Variants in SPAG1 observed in about 807,000 individuals in gnomAD.
SPAG1 encodes the protein sperm-associated antigen 1.
In SPAG1, 69 loss-of-function variants were observed where a neutral mutation model predicts 100.5. The observed-to-expected ratio is 0.69, with a 90% CI of 0.57 to 0.84. SPAG1 has a LOEUF of 0.84. Among genes scored for constraint, SPAG1 ranks in the 40% least tolerant of loss-of-function variants. SPAG1 has a pLI of 0.00. For missense variants in SPAG1, 955 were observed against 1,133.1 expected (o/e 0.84, Z 2.26); for synonymous variants, 336 against 411.6 (o/e 0.82, Z 2.22).
intron 10 of SPAG1, among the ~76,000 whole-genome samples, chr8:100,199,342 A>C (rs1817166564): frequency 6.6e-6 from 1 of 152,152 alleles, no homozygotes; most frequent in African/African-American, 2.4e-5. Flanking sequence ...TACGGTTTTA[A>C]TTTGCATTTT....
rs1308240117 is a variant in SPAG1 at position 100,213,124 on chromosome 8, C to T, written c.1131C>T (p.Ala377=). 1.5e-5 allele frequency: 23 copies of T among 1,484,768 alleles called. No homozygotes were observed. The highest frequency in any genetic ancestry group is 2.5e-5 in the South Asian group (2 of 79,648). 92.0% of individuals were successfully genotyped at this position (1,484,768 alleles called of 1,614,324 possible). A position where few individuals can be genotyped will look rare whatever the true frequency, so the allele number is the denominator to read the frequency against. The change falls in exon 11 of 19, where the codon GCC becomes GCT. Residue 377 remains alanine, a synonymous_variant. Transcript: ENST00000388798. ...AGCCGGCGGGAGCCGCGCGCGCCGC[C>T]CAGCCGTGCGTCATGGGCAACATCC... ...PAEPAGAARA[A]QPCVMGNIQK...
intron 10 of SPAG1, among the ~76,000 whole-genome samples, chr8:100,210,621 T>G (rs1398404791): frequency 6.6e-6 from 1 of 152,196 alleles, no homozygotes; most frequent in African/African-American, 2.4e-5. Context: ...CTCTTCATCC[T>G]TTAAGTGTTA....
chr8:100,191,332 G>C, intron 8 of SPAG1, 58 bp from the exon 9 acceptor site: 1 of 1,215,658 alleles, frequency 8.2e-7, no homozygotes, highest in Non-Finnish European at 1.2e-6. Flanking sequence ...TGCCAAATAT[G>C]TTGTAACCAT....
intron 3 of SPAG1, among the ~76,000 whole-genome samples, chr8:100,175,093 C>G (rs1416971622): frequency 6.6e-5 from 10 of 151,776 alleles, no homozygotes; most frequent in Admixed American, 6.6e-4. Context: ...TCAAGCGATC[C>G]TCCTGCCTCA....
Position 100,241,047 on chromosome 8 carries a change from C to A in SPAG1, c.*25C>A. 6.2e-7 allele frequency: 1 copy of A among 1,605,540 alleles called. No homozygotes were observed. On this transcript the variant is annotated 3_prime_UTR_variant, in exon 19 of 19. Coordinates refer to ENST00000388798, the MANE Select transcript of SPAG1 (RefSeq NM_003114.5). The surrounding 1 kb of genome is among the most constrained non-coding windows in gnomAD (Gnocchi z 5.1). The stretch of plus-strand genomic sequence containing the variant: ...AATCAAGATAATTGTTAGATTTCTT[C>A]CATGCATGTATGTGTTCCAGGAATG...
intron 8 of SPAG1, among the ~76,000 whole-genome samples, chr8:100,190,497 G>T (rs905351157): frequency 6.7e-6 from 1 of 149,234 alleles, no homozygotes; most frequent in African/African-American, 2.4e-5. Context: ...AATCAAATGC[G>T]AATTATCAAA....
chr8:100,193,245 A>C (rs539759279), intron 9 of SPAG1, among the ~76,000 whole-genome samples: 8 of 152,182 alleles, frequency 5.3e-5, no homozygotes, highest in Non-Finnish European at 1.2e-4. Context: ...AGATCACTTG[A>C]TCCCAGGAGT....
chr8:100,193,631 T>C (rs1816904651), intron 9 of SPAG1, among the ~76,000 whole-genome samples: 1 of 152,154 alleles, frequency 6.6e-6, no homozygotes, highest in Non-Finnish European at 1.5e-5. Flanking sequence ...AAAACAGTAA[T>C]GTGGGCTGGG....
At chr8:100,182,417 G>C (rs1394951659) in intron 4 of SPAG1, among the ~76,000 whole-genome samples, 1 of 152,184 alleles carries the variant, frequency 6.6e-6, no homozygotes, top group Non-Finnish European at 1.5e-5. Flanking sequence ...TTTTCCTCTG[G>C]TGGAGAGAGC....
intron 8 of SPAG1, among the ~76,000 whole-genome samples, chr8:100,187,945 T>G (rs1816656748): frequency 6.6e-6 from 1 of 151,834 alleles, no homozygotes. Context: ...CTCTGCCTCC[T>G]GGATTCAAGT....
At chr8:100,159,744 A>G (rs1276048072) in intron 1 of SPAG1, among the ~76,000 whole-genome samples, 1 of 152,202 alleles carries the variant, frequency 6.6e-6, no homozygotes, top group Admixed American at 6.5e-5. Context: ...ATTCCATCTC[A>G]TTATAAAACA....
At chr8:100,217,456 A>G (rs1818050200) in intron 12 of SPAG1, among the ~76,000 whole-genome samples, 2 of 151,860 alleles carry the variant, frequency 1.3e-5, no homozygotes, top group Admixed American at 6.6e-5. Context: ...TGGAGTGCAG[A>G]GTTGGGGTTG....
chr8:100,224,951 TTTTTG>T, intron 13 of SPAG1, among the ~76,000 whole-genome samples: 1 of 152,242 alleles, frequency 6.6e-6, no homozygotes, highest in African/African-American at 2.4e-5. Context: ...AAAAATGTCT[TTTTTG>T]TTTTGATTAA....
chr8:100,226,075 C>T, intron 14 of SPAG1, among the ~76,000 whole-genome samples: 1 of 150,782 alleles, frequency 6.6e-6, no homozygotes, highest in East Asian at 2.0e-4. Context: ...CGGCTCACTG[C>T]AACCTCCACC....
In SPAG1 at chr8:100,216,564, G is replaced by A. The variant is rs1052897108; in HGVS notation, c.1535+2646G>A. Among the ~76,000 whole-genome samples the A allele has an allele frequency of 1.4e-4, 21 of 152,252 alleles. 1 individual carries two copies. Among genetic ancestry groups the A allele is most frequent in the African/African-American group, 4.6e-4 (19 of 41,562 alleles). On this transcript the variant is annotated intron_variant, in intron 12 of 18. Coordinates refer to ENST00000388798, the MANE Select transcript of SPAG1 (RefSeq NM_003114.5). ...CTCACCAGAGAGGGAAGTGGGCGTC[G>A]GTTTAGGTAGGTTGTGCTAACCTTA...
intron 15 of SPAG1, 167 bp from the exon 16 acceptor site, chr8:100,233,244 T>A (rs930181695): frequency 3.0e-6 from 2 of 671,302 alleles, no homozygotes; most frequent in Non-Finnish European, 5.1e-6. Context: ...TTGTTTGCGG[T>A]TGTATGCCCA....
intron 9 of SPAG1, 111 bp from the exon 10 acceptor site, chr8:100,194,001 C>T: frequency 3.1e-6 from 3 of 964,516 alleles, no homozygotes; most frequent in Non-Finnish European, 4.2e-6. Context: ...AAAAAAAAGC[C>T]TTGTCTTAGT....
At chr8:100,180,456 T>G (rs1816319892) in intron 4 of SPAG1, among the ~76,000 whole-genome samples, 2 of 152,188 alleles carry the variant, frequency 1.3e-5, no homozygotes, top group South Asian at 4.1e-4. Flanking sequence ...AAATAGCCCT[T>G]AAGGGGGATA....
chr8:100,222,229 C>A (rs535902768), intron 13 of SPAG1, among the ~76,000 whole-genome samples: 39 of 152,324 alleles, frequency 2.6e-4, no homozygotes, highest in Middle Eastern at 6.8e-3. Flanking sequence ...CTCCCTACCC[C>A]ATAGGTGCAC....
Sources: gnomAD v4.1 joint callset for allele counts (sites outside exome capture counted in the v4.1 genomes callset) on GRCh38, gnomAD v4.1.1 for gene constraint, Gnocchi (gnomAD v3.1) non-coding constraint, MANE v1.5 for transcripts, NCBI Gene and HGNC (gene_info 2026-07-23, HGNC 2026-07-21) for gene names.